ST18: variants seen among roughly 807,000 people sequenced by gnomAD.
ST18 encodes ST18 C2H2C-type zinc finger transcription factor, also known as suppression of tumorigenicity 18 protein.
A neutral mutation model predicts 110.0 loss-of-function variants in ST18; 50 were observed. The observed-to-expected ratio is 0.45, with a 90% CI of 0.36 to 0.58. The LOEUF (loss-of-function observed/expected upper bound fraction) is 0.58. Among genes scored for constraint, ST18 ranks in the 20% least tolerant of loss-of-function variants. ST18 has a pLI of 0.00. For synonymous variants in ST18, 461 were observed against 452.4 expected (o/e 1.02, Z -0.24); for missense variants, 1,306 against 1,280.1 (o/e 1.02, Z -0.31).
intron 22 of ST18, among the ~76,000 whole-genome samples, chr8:52,129,673 G>A (rs910686676): frequency 6.6e-6 from 1 of 152,134 alleles, no homozygotes; most frequent in Non-Finnish European, 1.5e-5. Flanking sequence ...TAAATTGCAA[G>A]AGAACTTTCG....
intron 2 of ST18, among the ~76,000 whole-genome samples, chr8:52,273,390 T>C (rs976443190): frequency 2.0e-5 from 3 of 152,210 alleles, no homozygotes; most frequent in African/African-American, 4.8e-5. Flanking sequence ...TTGTAATTCA[T>C]AGGAGATCTT....
At chr8:52,136,722 C>A in intron 18 of ST18, 64 bp from the exon 19 acceptor site, 1 of 1,379,414 alleles carries the variant, frequency 7.2e-7, no homozygotes. Flanking sequence ...AGTCAAATGG[C>A]ATCCTGAGTC....
intron 2 of ST18, among the ~76,000 whole-genome samples, chr8:52,269,906 A>C (rs1034293453): frequency 1.3e-5 from 2 of 152,204 alleles, no homozygotes; most frequent in Non-Finnish European, 2.9e-5. Flanking sequence ...TCAGGGATGG[A>C]AACTCTTCCA....
chr8:52,239,252 T>A (rs1257697496), intron 2 of ST18, among the ~76,000 whole-genome samples: 1 of 152,062 alleles, frequency 6.6e-6, no homozygotes, highest in East Asian at 1.9e-4. Context: ...TTTTGTGAAA[T>A]AAAAAATGTT....
intron 2 of ST18, among the ~76,000 whole-genome samples, chr8:52,358,389 T>C (rs544099709): frequency 3.0e-4 from 45 of 151,908 alleles, no homozygotes; most frequent in African/African-American, 1.0e-3. Context: ...AGAAGAACCA[T>C]ACAATCACCA....
intron 2 of ST18, among the ~76,000 whole-genome samples, chr8:52,251,382 A>C (rs2094298855): frequency 6.6e-6 from 1 of 152,102 alleles, no homozygotes; most frequent in Non-Finnish European, 1.5e-5. Flanking sequence ...TATATATATG[A>C]ATATATTATA....
intron 2 of ST18, among the ~76,000 whole-genome samples, chr8:52,339,341 C>G (rs1223587857): frequency 1.3e-5 from 2 of 152,216 alleles, no homozygotes; most frequent in East Asian, 3.9e-4. Flanking sequence ...TCCTTCCCAA[C>G]CTCTAGACCC....
At chr8:52,120,384 G>A (rs1306447669) in intron 23 of ST18, among the ~76,000 whole-genome samples, 1 of 152,002 alleles carries the variant, frequency 6.6e-6, no homozygotes, top group Non-Finnish European at 1.5e-5. Flanking sequence ...ATAATATCTG[G>A]TGAGGCAGAC....
Position 52,171,895 on chromosome 8 carries a change from G to A in ST18, c.966C>T (p.Asn322=), listed in dbSNP as rs777649967. The stretch of plus-strand genomic sequence containing the variant: ...GGAACCTATCCAGCTCTTTGTAGGT[G>A]TTATGGAAAACACAACCTCGCTCAG... ...LQAERGCVFH[N]TYKELDRFLL... is the part of the protein sequence containing the mutation. The change falls in exon 10 of 26, where the codon AAC becomes AAT. Residue 322 remains asparagine, a synonymous_variant. Transcript: ENST00000689386. 1 of 1,614,194 alleles carries A rather than the reference G, an allele frequency of 6.2e-7. No individual in the cohort carries two copies. The highest frequency in any genetic ancestry group is 8.5e-7 in the Non-Finnish European group (1 of 1,180,030).
At chr8:52,227,472 A>T (rs2089886219) in intron 3 of ST18, among the ~76,000 whole-genome samples, 1 of 152,180 alleles carries the variant, frequency 6.6e-6, no homozygotes, top group Non-Finnish European at 1.5e-5. Context: ...ATCCCTAGAG[A>T]GATTCAGAGA....
At chr8:52,189,603 A>G (rs912309884) in intron 8 of ST18, among the ~76,000 whole-genome samples, 2 of 152,188 alleles carry the variant, frequency 1.3e-5, no homozygotes, top group Non-Finnish European at 2.9e-5. Flanking sequence ...GAAGTTCCCA[A>G]TGGTGAAGGT....
chr8:52,203,860 C>T (rs557306454), intron 8 of ST18, among the ~76,000 whole-genome samples: 115 of 152,250 alleles, frequency 7.6e-4, no homozygotes, highest in African/African-American at 2.7e-3. Flanking sequence ...CAATTTAGTT[C>T]CCAAATTACC....
At chr8:52,367,386 C>A (rs1246887609) in intron 2 of ST18, among the ~76,000 whole-genome samples, 1 of 152,066 alleles carries the variant, frequency 6.6e-6, no homozygotes, top group Non-Finnish European at 1.5e-5. Flanking sequence ...CGGTCCACTG[C>A]ACTCCAGCCT....
At chr8:52,346,644 T>C (rs868316334) in intron 2 of ST18, among the ~76,000 whole-genome samples, 5 of 152,362 alleles carry the variant, frequency 3.3e-5, no homozygotes, top group Middle Eastern at 6.8e-3. Flanking sequence ...CTAGCCACAC[T>C]GTTGCTACAA....
chr8:52,161,158 CTA>C (rs2061354311), intron 14 of ST18, among the ~76,000 whole-genome samples: 1 of 152,142 alleles, frequency 6.6e-6, no homozygotes, highest in African/African-American at 2.4e-5. Context: ...AATTCATTAA[CTA>C]TTCACTATAT....
chr8:52,366,849 C>G (rs989405408), intron 2 of ST18, among the ~76,000 whole-genome samples: 1 of 152,218 alleles, frequency 6.6e-6, no homozygotes, highest in African/African-American at 2.4e-5. Flanking sequence ...ATTCATTATA[C>G]TATGTTCCCA....
At chr8:52,193,737 A>G (rs560588088) in intron 8 of ST18, among the ~76,000 whole-genome samples, 1 of 152,342 alleles carries the variant, frequency 6.6e-6, no homozygotes, top group Non-Finnish European at 1.5e-5. Flanking sequence ...GCCACTGTAA[A>G]TGACAAATTC....
chr8:52,169,182 G>T (rs1477415977), intron 10 of ST18, among the ~76,000 whole-genome samples: 1 of 152,158 alleles, frequency 6.6e-6, no homozygotes, highest in Non-Finnish European at 1.5e-5. Context: ...AAATGCTCTG[G>T]AGAGCAGAAC....
chr8:52,276,901 G>A (rs1375503734), intron 2 of ST18, among the ~76,000 whole-genome samples: 2 of 151,830 alleles, frequency 1.3e-5, no homozygotes, highest in Non-Finnish European at 2.9e-5. Context: ...TGAGTAGCTG[G>A]GATTACTGGT....
Sources: allele counts gnomAD v4.1 joint callset (sites outside exome capture counted in the v4.1 genomes callset), GRCh38; gene constraint gnomAD v4.1.1; transcripts MANE v1.5; gene names NCBI Gene and HGNC (gene_info 2026-07-23, HGNC 2026-07-21).